PCDHGB5: variants seen among roughly 807,000 people sequenced by gnomAD.
PCDHGB5 encodes protocadherin gamma subfamily B, 5.
Under a neutral mutation model 62.9 loss-of-function variants are expected in PCDHGB5, and 48 were observed. The ratio of observed to expected loss-of-function variants is 0.76; its 90% CI spans 0.61 to 0.97. PCDHGB5 has a LOEUF of 0.97. Ranked by LOEUF, PCDHGB5 falls within the 50% of genes least tolerant of loss-of-function variation. PCDHGB5 has a pLI of 0.00. For missense variants in PCDHGB5, 1,118 were observed against 1,198.6 expected (o/e 0.93, Z 0.99); for synonymous variants, 474 against 511.2 (o/e 0.93, Z 0.98).
At chr5:141,435,306 T>C (rs2154556603) in intron 1 of PCDHGB5, among the ~76,000 whole-genome samples, 1 of 152,358 alleles carries the variant, frequency 6.6e-6, no homozygotes, top group East Asian at 1.9e-4. Flanking sequence ...TGGTTTTAAA[T>C]CATTCATGAA....
chr5:141,481,871 G>A (rs372191396), intron 1 of PCDHGB5, among the ~76,000 whole-genome samples: 73 of 144,864 alleles, frequency 5.0e-4, no homozygotes, highest in Non-Finnish European at 9.7e-4. Context: ...CCGAGATCGC[G>A]CCACTGCACT....
rs1032345173 is a variant in PCDHGB5 at position 141,468,852 on chromosome 5, C to T, written c.2398-25955C>T. Among the ~76,000 whole-genome samples the T allele has an allele frequency of 7.2e-5, 11 of 151,868 alleles. No individual in the cohort carries two copies. In the East Asian group the frequency reaches 9.7e-4, roughly 13 times the overall value. On this transcript the variant is annotated intron_variant, in intron 1 of 3. Transcript: ENST00000617380. ...CTGCACTCCAGCCTGGGCAACAGAG[C>T]GAGACTCCATCTCAAAAATAATAAT... is the stretch of plus-strand genomic sequence containing the variant.
At chr5:141,417,887 C>T in intron 1 of PCDHGB5, 2 of 1,564,888 alleles carry the variant, frequency 1.3e-6, no homozygotes, top group Non-Finnish European at 1.7e-6. Flanking sequence ...GCAGAGGCGC[C>T]GGGCCGGCCC....
Position 141,400,502 on chromosome 5 carries a change from A to C in PCDHGB5, c.2375A>C (p.Glu792Ala). The stretch of plus-strand genomic sequence containing the variant: ...TTATTTCCACTTTGTAATTCCAGCG[A>C]GTCGACTTCCCATCCTGAGTTGGTG... ...GALFPLCNSS[E>A]STSHPELQAP... is the part of the protein sequence containing the mutation. Residue 792 changes from glutamate to alanine, a missense_variant, in exon 1 of 4, where the codon GAG becomes GCG. Coordinates refer to ENST00000617380, the MANE Select transcript of PCDHGB5 (RefSeq NM_018925.3). 6.2e-7 allele frequency: 1 copy of C among 1,614,020 alleles called. No individual in the cohort carries two copies. The highest frequency in any genetic ancestry group is 8.5e-7 in the Non-Finnish European group (1 of 1,179,864).
At chr5:141,419,023 A>T (rs768427376) in intron 1 of PCDHGB5, 2 of 1,613,958 alleles carry the variant, frequency 1.2e-6, no homozygotes, top group Non-Finnish European at 1.7e-6. Flanking sequence ...GCTTAAGTAG[A>T]GGTGTTCCAT....
intron 1 of PCDHGB5, chr5:141,416,401 T>C (rs2096020867): frequency 6.6e-6 from 1 of 152,204 alleles, no homozygotes; most frequent in African/African-American, 2.4e-5. Context: ...TGCTTTTGTC[T>C]TTTTTGTTAA....
intron 1 of PCDHGB5, chr5:141,423,228 C>T (rs1321708353): frequency 6.2e-7 from 1 of 1,613,748 alleles, no homozygotes; most frequent in Non-Finnish European, 8.5e-7. Flanking sequence ...CTGTGGCCGA[C>T]AGCATCCCCG....
Position 141,477,044 on chromosome 5 carries a change from C to T in PCDHGB5, c.2398-17763C>T, listed in dbSNP as rs750525889. ...CGGGATGCTGACAATCAAGGGTCGG[C>T]TGGACTTCGAGGACACCAAACTCCA... On this transcript the variant is annotated intron_variant, in intron 1 of 3. Coordinates refer to ENST00000617380, the MANE Select transcript of PCDHGB5 (RefSeq NM_018925.3). The surrounding 1 kb of genome is among the most constrained non-coding windows in gnomAD (Gnocchi z 4.9). 6.2e-7 allele frequency: 1 copy of T among 1,614,246 alleles called. No individual in the cohort carries two copies. Among genetic ancestry groups the T allele is most frequent in the Non-Finnish European group, 8.5e-7 (1 of 1,180,034 alleles).
intron 1 of PCDHGB5, chr5:141,420,114 A>G: frequency 6.2e-7 from 1 of 1,614,032 alleles, no homozygotes; most frequent in Non-Finnish European, 8.5e-7. Context: ...CCCTATGCCT[A>G]TAATTTTTGT....
intron 1 of PCDHGB5, chr5:141,417,977 G>T (rs752463782): frequency 1.2e-6 from 2 of 1,613,872 alleles, no homozygotes; most frequent in South Asian, 2.2e-5. Context: ...GATTCCGGAG[G>T]AGCTGGCCAA....
At chr5:141,457,469 AG>A (rs1170841505) in intron 1 of PCDHGB5, among the ~76,000 whole-genome samples, 1 of 152,226 alleles carries the variant, frequency 6.6e-6, no homozygotes, top group Non-Finnish European at 1.5e-5. Context: ...CACAGGAATA[AG>A]CAGGGCCAGG....
In PCDHGB5 at chr5:141,491,652, G is replaced by A. The variant is rs370043428; in HGVS notation, c.2398-3155G>A. ...AGCAGCCCACAGCTCTGGCGCTGGAGCCTGACGCCATCCGGTCCCGCTCTA... is the reference window on the plus strand; with the variant it reads ...AGCAGCCCACAGCTCTGGCGCTGGAACCTGACGCCATCCGGTCCCGCTCTA... On this transcript the variant is annotated intron_variant, in intron 1 of 3. Transcript: ENST00000617380. This position sits in a 1 kb window ranked among gnomAD's most constrained non-coding sequence, Gnocchi z 6.9. 2 of 1,613,726 alleles carry A rather than the reference G, an allele frequency of 1.2e-6. No homozygotes were observed. Among genetic ancestry groups the A allele is most frequent in the African/African-American group, 1.3e-5 (1 of 74,944 alleles).
At chr5:141,478,305 C>G in intron 1 of PCDHGB5, 1 of 1,614,092 alleles carries the variant, frequency 6.2e-7, no homozygotes, top group Non-Finnish European at 8.5e-7. Context: ...TACCGAGCCC[C>G]GGTGAGCTCA....
chr5:141,413,077 G>A (rs2095603422), intron 1 of PCDHGB5: 1 of 1,287,542 alleles, frequency 7.8e-7, no homozygotes, highest in African/African-American at 1.5e-5. Context: ...AAGTGCCCAG[G>A]CTACAGAGAC....
In PCDHGB5 at chr5:141,432,510, C is replaced by A; in HGVS notation, c.2397+31986C>A. 1 of 1,614,140 alleles carries A rather than the reference C, an allele frequency of 6.2e-7. No homozygotes were observed. The highest frequency in any genetic ancestry group is 8.5e-7 in the Non-Finnish European group (1 of 1,180,042). On this transcript the variant is annotated intron_variant, in intron 1 of 3. Coordinates refer to ENST00000617380, the MANE Select transcript of PCDHGB5 (RefSeq NM_018925.3). The surrounding 1 kb of genome is among the most constrained non-coding windows in gnomAD (Gnocchi z 6.0). ...GAGCTGGCTCCCCGCTCCGCAGAGCCCGGCTACCTGGTGACCAAGGTGGTG... is the reference window on the plus strand; with the variant it reads ...GAGCTGGCTCCCCGCTCCGCAGAGCACGGCTACCTGGTGACCAAGGTGGTG...
At chr5:141,446,312 T>C (rs2098498076) in intron 1 of PCDHGB5, among the ~76,000 whole-genome samples, 1 of 152,208 alleles carries the variant, frequency 6.6e-6, no homozygotes, top group African/African-American at 2.4e-5. Flanking sequence ...GAGTGATTCC[T>C]GGGTTTCCAC....
In PCDHGB5 at chr5:141,432,976, C is replaced by T; in HGVS notation, c.2397+32452C>T. 1 of 1,614,210 alleles carries T rather than the reference C, an allele frequency of 6.2e-7. No individual in the cohort carries two copies. On this transcript the variant is annotated intron_variant, in intron 1 of 3. Transcript: ENST00000617380. The surrounding 1 kb of genome is among the most constrained non-coding windows in gnomAD (Gnocchi z 6.0). Reference sequence around the variant, plus strand: ...GCTTGACAGGAGCGCCGGCGTCGCACTTTGTGGGCGTGGACGGGGTGCAGG... The same window carrying T: ...GCTTGACAGGAGCGCCGGCGTCGCATTTTGTGGGCGTGGACGGGGTGCAGG...
chr5:141,484,236 G>C (rs1272971014), intron 1 of PCDHGB5, among the ~76,000 whole-genome samples: 2 of 152,132 alleles, frequency 1.3e-5, no homozygotes, highest in Non-Finnish European at 2.9e-5. Context: ...AAGAGATCTG[G>C]TCCTTAGCAC....
intron 1 of PCDHGB5, chr5:141,423,105 G>C (rs1480411428): frequency 1.9e-6 from 3 of 1,613,920 alleles, no homozygotes; most frequent in East Asian, 4.5e-5. Flanking sequence ...ACACGGGCGA[G>C]GTGCGTACAG....
Sources: gnomAD v4.1 joint callset for allele counts (sites outside exome capture counted in the v4.1 genomes callset) on GRCh38, gnomAD v4.1.1 for gene constraint, Gnocchi (gnomAD v3.1) non-coding constraint, MANE v1.5 for transcripts, NCBI Gene and HGNC (gene_info 2026-07-23, HGNC 2026-07-21) for gene names.